Variants in PBRM1 observed in about 807,000 individuals in gnomAD.
The protein encoded by PBRM1 is polybromo 1.
PBRM1 carries 27 observed loss-of-function variants against 194.5 expected under a neutral mutation model. That is an observed-to-expected ratio of 0.14 (90% CI 0.10 to 0.19). PBRM1 has a LOEUF of 0.19. Among genes scored for constraint, PBRM1 ranks in the 10% least tolerant of loss-of-function variants. The probability of loss-of-function intolerance (pLI) is 1.00; values close to 1 mark genes in which losing one functional copy is unlikely to be tolerated. For missense variants in PBRM1, 1,466 were observed against 2,077.2 expected (o/e 0.71, Z 5.72); for synonymous variants, 655 against 693.2 (o/e 0.94, Z 0.87).
intron 29 of PBRM1, among the ~76,000 whole-genome samples, chr3:52,549,836 C>T (rs530013811): frequency 4.2e-4 from 63 of 151,370 alleles, no homozygotes; most frequent in African/African-American, 1.5e-3. Flanking sequence ...ACCTGGGGGT[C>T]GGAGGTTGCA....
chr3:52,682,372 G>C (rs1417208666), upstream of PBRM1: 2 of 123,566 alleles, frequency 1.6e-5, no homozygotes, highest in Non-Finnish European at 3.6e-5. Context: ...ATTTGACAAG[G>C]TTAAAAAAAA....
At chr3:52,563,360 T>C (rs933331364) in exon 24 of PBRM1, 7 of 1,614,032 alleles carry the variant, frequency 4.3e-6, no homozygotes, top group Non-Finnish European at 5.9e-6. Flanking sequence ...GGAGGTTCAA[T>C]GACCTCACTA....
intron 10 of PBRM1, among the ~76,000 whole-genome samples, chr3:52,637,538 T>C (rs995358577): frequency 1.3e-5 from 2 of 151,520 alleles, no homozygotes; most frequent in African/African-American, 4.9e-5. Context: ...GAGGCTGATG[T>C]GGAAAGATTG....
chr3:52,652,956 C>A (rs1404699623), intron 5 of PBRM1, among the ~76,000 whole-genome samples: 3 of 152,096 alleles, frequency 2.0e-5, no homozygotes, highest in Admixed American at 1.3e-4. Flanking sequence ...CGAGATCACG[C>A]CATTGTACTC....
At chr3:52,647,094 G>A (rs1352943479) in intron 7 of PBRM1, among the ~76,000 whole-genome samples, 1 of 151,950 alleles carries the variant, frequency 6.6e-6, no homozygotes, top group East Asian at 1.9e-4. Flanking sequence ...ATGGGCAAAT[G>A]ATCTGAACAT....
chr3:52,606,872 C>T (rs2094374123), intron 16 of PBRM1, among the ~76,000 whole-genome samples: 1 of 152,194 alleles, frequency 6.6e-6, no homozygotes, highest in African/African-American at 2.4e-5. Context: ...CAGCACTGTG[C>T]TGTTACTAAA....
At chr3:52,611,086 T>C (rs184648278) in intron 15 of PBRM1, among the ~76,000 whole-genome samples, 3 of 152,228 alleles carry the variant, frequency 2.0e-5, no homozygotes, top group Non-Finnish European at 4.4e-5. Context: ...TGGGTAAATA[T>C]TGAAGGATGT....
exon 20 of PBRM1, chr3:52,586,430 C>T (rs2153758961): frequency 6.2e-7 from 1 of 1,610,230 alleles, no homozygotes. Context: ...CATACCTTTT[C>T]CAAGTTAAAA....
At chr3:52,616,852 G>A (rs565680570) in intron 14 of PBRM1, among the ~76,000 whole-genome samples, 1 of 152,324 alleles carries the variant, frequency 6.6e-6, no homozygotes, top group Admixed American at 6.5e-5. Flanking sequence ...TGATGATGAT[G>A]AAAGATTTTA....
chr3:52,579,019 T>C (rs2153683782), intron 21 of PBRM1, 35 bp downstream of exon 23: 1 of 1,609,984 alleles, frequency 6.2e-7, no homozygotes, highest in Non-Finnish European at 8.5e-7. Flanking sequence ...ATTTCTCAGA[T>C]TCAACCTCAT....
At chr3:52,562,522 A>C (rs1232109664) in intron 24 of PBRM1, among the ~76,000 whole-genome samples, 1 of 150,492 alleles carries the variant, frequency 6.6e-6, no homozygotes, top group East Asian at 2.0e-4. Context: ...CTCACAATTA[A>C]GTCTTGAGAA....
chr3:52,603,818 C>A, intron 16 of PBRM1, 86 bp from the exon 19 acceptor site: 1 of 1,131,614 alleles, frequency 8.8e-7, no homozygotes, highest in East Asian at 2.6e-5. Context: ...TTAAATGCTT[C>A]TTTAATTGAT....
chr3:52,596,436 C>CAAAAAAAAAAAAAAAAAAAAA (rs763007814), intron 17 of PBRM1, among the ~76,000 whole-genome samples: 2 of 50,370 alleles, frequency 4.0e-5, no homozygotes, highest in African/African-American at 8.3e-5. Flanking sequence ...GACTCCGTCT[C>CAAAAAAAAAAAAAAAAAAAAA]AAAAAAAAAA....
In PBRM1 at chr3:52,685,786, C is replaced by T; in HGVS notation, c.-50G>A. 1 of 280,854 alleles carries T rather than the reference C, an allele frequency of 3.6e-6. No homozygotes were observed. Among genetic ancestry groups the T allele is most frequent in the Non-Finnish European group, 6.6e-6 (1 of 152,124 alleles). The allele number at this position is 280,854 out of a possible 1,614,324, so 17.4% of individuals were successfully genotyped here. On this transcript the variant is annotated 5_prime_UTR_variant, in exon 1 of 30. In the 5' UTR this introduces an upstream ATG that the reference lacks. Transcript: ENST00000394830. The stretch of plus-strand genomic sequence containing the variant: ...CCGCCTGCAGCCCCGGCCGCGGTCA[C>T]CGACCGCCGCGCCCCGCCCCGTGGC...
intron 27 of PBRM1, 114 bp downstream of exon 29, chr3:52,554,610 G>T: frequency 1.2e-6 from 1 of 832,364 alleles, no homozygotes; most frequent in Non-Finnish European, 1.8e-6. Flanking sequence ...GGATTCTCAG[G>T]GAGGGAAGGC....
intron 29 of PBRM1, among the ~76,000 whole-genome samples, chr3:52,548,980 G>A (rs1215935853): frequency 2.0e-5 from 3 of 151,388 alleles, no homozygotes; most frequent in East Asian, 3.9e-4. Flanking sequence ...TAGCCTAATC[G>A]GTTTCTAATA....
At position 52,580,570 on chromosome 3, in the gene PBRM1, G is replaced by A. The variant is rs146030594; in HGVS notation, c.3388-1371C>T. 6.4e-4 allele frequency among the ~76,000 whole-genome samples: 97 copies of A among 152,142 alleles called. 3 individuals carry two copies. In the East Asian group the frequency reaches 0.016, roughly 24 times the overall value. ...GTAGAGACGGGGTTTCACTGTGTTAGCCAGGATGGTCTTGATCTCCTGACT... is the reference window on the plus strand; with the variant it reads ...GTAGAGACGGGGTTTCACTGTGTTAACCAGGATGGTCTTGATCTCCTGACT... On this transcript the variant is annotated intron_variant, in intron 20 of 29. Transcript: ENST00000296302.
chr3:52,585,882 G>A (rs2092302796), intron 20 of PBRM1: 2 of 152,010 alleles, frequency 1.3e-5, no homozygotes, highest in Non-Finnish European at 2.9e-5. Context: ...TTAGATAGTT[G>A]GCAGTTTATC....
chr3:52,628,455 T>TTA (rs935438509), intron 12 of PBRM1, among the ~76,000 whole-genome samples: 2 of 138,666 alleles, frequency 1.4e-5, no homozygotes, highest in Non-Finnish European at 3.1e-5. Flanking sequence ...AATACATATT[T>TTA]TATATATATA....
Sources: allele counts gnomAD v4.1 joint callset (sites outside exome capture counted in the v4.1 genomes callset), GRCh38; gene constraint gnomAD v4.1.1; transcripts MANE v1.5; gene names NCBI Gene and HGNC (gene_info 2026-07-23, HGNC 2026-07-21).